The following TSHZ2 variants were observed in gnomAD, a reference collection of about 807,000 sequenced individuals.
The protein encoded by TSHZ2 is teashirt zinc finger homeobox 2.
TSHZ2 carries 21 observed loss-of-function variants against 74.4 expected under a neutral mutation model. The observed-to-expected ratio is 0.28, with a 90% CI of 0.20 to 0.41. The LOEUF (loss-of-function observed/expected upper bound fraction) is 0.41. Ranked by LOEUF, TSHZ2 falls within the 10% of genes least tolerant of loss-of-function variation. The pLI is 1.00. For missense variants in TSHZ2, 1,244 were observed against 1,293.5 expected (o/e 0.96, Z 0.59); for synonymous variants, 540 against 515.3 (o/e 1.05, Z -0.65).
At chr20:53,403,067 C>T (rs1306888367) in intron 2 of TSHZ2, among the ~76,000 whole-genome samples, 3 of 152,222 alleles carry the variant, frequency 2.0e-5, no homozygotes, top group Non-Finnish European at 4.4e-5. Flanking sequence ...TTCCCTCCCG[C>T]TCTCCAGTAG....
chr20:53,175,666 G>A (rs1009112429), intron 1 of TSHZ2, among the ~76,000 whole-genome samples: 12 of 152,214 alleles, frequency 7.9e-5, no homozygotes, highest in African/African-American at 2.7e-4. Flanking sequence ...GTGGATTGGG[G>A]TAGGGCAGAT....
intron 1 of TSHZ2, among the ~76,000 whole-genome samples, chr20:53,129,449 G>A (rs1369056448): frequency 6.6e-6 from 1 of 152,030 alleles, no homozygotes; most frequent in Non-Finnish European, 1.5e-5. Context: ...TAAGTAGGAG[G>A]AACAAAAGGC....
At chr20:53,311,179 A>G (rs1197439579) in intron 2 of TSHZ2, among the ~76,000 whole-genome samples, 2 of 152,240 alleles carry the variant, frequency 1.3e-5, no homozygotes, top group African/African-American at 2.4e-5. Flanking sequence ...AAAATTGCCT[A>G]TAGTCAAAAT....
At chr20:53,210,936 G>C (rs1405098196) in intron 1 of TSHZ2, among the ~76,000 whole-genome samples, 1 of 151,968 alleles carries the variant, frequency 6.6e-6, no homozygotes, top group Non-Finnish European at 1.5e-5. Flanking sequence ...TGCAGTGTTT[G>C]GAGTTTCTAA....
intron 1 of TSHZ2, among the ~76,000 whole-genome samples, chr20:53,027,291 A>C (rs1444167745): frequency 6.6e-6 from 1 of 152,232 alleles, no homozygotes; most frequent in Non-Finnish European, 1.5e-5. Flanking sequence ...TCACATATAC[A>C]CATACACACA....
At chr20:53,475,860 A>G (rs1172429174) in intron 2 of TSHZ2, among the ~76,000 whole-genome samples, 1 of 133,920 alleles carries the variant, frequency 7.5e-6, no homozygotes, top group Non-Finnish European at 1.6e-5. Flanking sequence ...ACAAACTACC[A>G]TCAGAGAATA....
chr20:52,981,716 AC>A (rs1305205159), intron 1 of TSHZ2, among the ~76,000 whole-genome samples: 3 of 152,194 alleles, frequency 2.0e-5, no homozygotes, highest in African/African-American at 7.2e-5. Context: ...GGAGTCCAGC[AC>A]CCGCTCAAAA....
At chr20:53,133,637 T>C (rs958066955) in intron 1 of TSHZ2, among the ~76,000 whole-genome samples, 3 of 152,236 alleles carry the variant, frequency 2.0e-5, no homozygotes, top group Admixed American at 6.5e-5. Context: ...TTTAGTTCTA[T>C]GTATATTCAG....
chr20:53,405,321 G>A (rs1982810579), intron 2 of TSHZ2, among the ~76,000 whole-genome samples: 1 of 152,044 alleles, frequency 6.6e-6, no homozygotes, highest in Non-Finnish European at 1.5e-5. Context: ...TCTAAGAACT[G>A]GGAAGTAATC....
At chr20:53,162,724 G>A (rs1025312485) in intron 1 of TSHZ2, among the ~76,000 whole-genome samples, 10 of 152,140 alleles carry the variant, frequency 6.6e-5, no homozygotes, top group African/African-American at 2.2e-4. Context: ...GGAAAAGTGG[G>A]TATAGAGGCA....
intron 1 of TSHZ2, among the ~76,000 whole-genome samples, chr20:53,174,480 A>G (rs1229092475): frequency 6.6e-6 from 1 of 152,140 alleles, no homozygotes; most frequent in Non-Finnish European, 1.5e-5. Context: ...GGCCAGTGGA[A>G]TGGGTCACAG....
intron 1 of TSHZ2, among the ~76,000 whole-genome samples, chr20:53,085,219 G>T (rs1241744734): frequency 6.6e-6 from 1 of 152,026 alleles, no homozygotes; most frequent in African/African-American, 2.4e-5. Context: ...AAAAAAATCA[G>T]CCGGGCGTGG....
chr20:53,304,628 C>T (rs1252270870), intron 2 of TSHZ2, among the ~76,000 whole-genome samples: 1 of 150,828 alleles, frequency 6.6e-6, no homozygotes, highest in Admixed American at 6.6e-5. Flanking sequence ...TGTTTGTTTC[C>T]TTGTTTGTTT....
intron 2 of TSHZ2, among the ~76,000 whole-genome samples, chr20:53,376,889 C>G (rs1981677396): frequency 6.6e-6 from 1 of 152,258 alleles, no homozygotes; most frequent in Non-Finnish European, 1.5e-5. Flanking sequence ...CAGAAGTTAC[C>G]TCTTTTGCAT....
intron 2 of TSHZ2, among the ~76,000 whole-genome samples, chr20:53,433,059 CCTT>C: frequency 6.6e-6 from 1 of 152,288 alleles, no homozygotes; most frequent in South Asian, 2.1e-4. Flanking sequence ...GTACTAGCTA[CCTT>C]TGCCCCTCTT....
At chr20:53,323,392 C>G (rs143521515) in intron 2 of TSHZ2, among the ~76,000 whole-genome samples, 1 of 127,372 alleles carries the variant, frequency 7.9e-6, no homozygotes, top group African/African-American at 2.8e-5. Flanking sequence ...GTAGAAAGTG[C>G]CCTGGAAATA....
chr20:53,130,965 A>C (rs914017603), intron 1 of TSHZ2, among the ~76,000 whole-genome samples: 1 of 152,238 alleles, frequency 6.6e-6, no homozygotes, highest in African/African-American at 2.4e-5. Context: ...TTACAGAATC[A>C]GAAATATATT....
rs1393742236 is a variant in TSHZ2, at chr20:52,972,832, T to C, written c.-462T>C. The stretch of plus-strand genomic sequence containing the variant: ...ACTACCTTCCCAGGATTGCCTTTTT[T>C]TTTTCCTTATCTTTACGCGCGAGTG... On this transcript the variant is annotated 5_prime_UTR_variant, in exon 1 of 3. Transcript: ENST00000371497. 1 of 192,328 alleles carries C rather than the reference T, an allele frequency of 5.2e-6. No homozygotes were observed. Among genetic ancestry groups the C allele is most frequent in the Non-Finnish European group, 1.0e-5 (1 of 97,096 alleles). 11.9% of individuals were successfully genotyped at this position (192,328 alleles called of 1,614,324 possible).
chr20:53,170,700 G>A (rs1988178177), intron 1 of TSHZ2, among the ~76,000 whole-genome samples: 3 of 152,118 alleles, frequency 2.0e-5, no homozygotes, highest in Admixed American at 2.0e-4. Flanking sequence ...TATGAAAAAA[G>A]GTTTCTAATC....
Sources: allele counts gnomAD v4.1 joint callset (sites outside exome capture counted in the v4.1 genomes callset), GRCh38; gene constraint gnomAD v4.1.1; transcripts MANE v1.5; gene names NCBI Gene and HGNC (gene_info 2026-07-23, HGNC 2026-07-21).